PARVB: variants seen among roughly 807,000 people sequenced by gnomAD.
The protein encoded by PARVB is parvin beta.
Under a neutral mutation model 47.0 loss-of-function variants are expected in PARVB, and 46 were observed. The ratio of observed to expected loss-of-function variants is 0.98; its 90% confidence interval spans 0.77 to 1.25. PARVB has a LOEUF of 1.25. Ranked by LOEUF, PARVB falls within the 50% of genes most tolerant of loss-of-function variation. The probability of loss-of-function intolerance (pLI) is 0.00; values close to 1 mark genes in which losing one functional copy is unlikely to be tolerated. For missense variants in PARVB, 473 were observed against 471.6 expected (o/e 1.00, Z -0.03); for synonymous variants, 196 against 196.3 (o/e 1.00, Z 0.01).
intron 3 of PARVB, 135 bp from the exon 4 acceptor site, chr22:44,118,903 C>T: frequency 1.5e-6 from 1 of 680,082 alleles, no homozygotes; most frequent in Non-Finnish European, 2.7e-6. Flanking sequence ...GCTGTGCAGC[C>T]TCTGTCCCTG....
chr22:44,056,245 A>T (rs981035569), intron 1 of PARVB, among the ~76,000 whole-genome samples: 1 of 152,152 alleles, frequency 6.6e-6, no homozygotes, highest in Non-Finnish European at 1.5e-5. Context: ...GCCGTGTGGG[A>T]TCCCACACCA....
chr22:44,044,191 G>GTTTT (rs776354860), intron 1 of PARVB, among the ~76,000 whole-genome samples: 1 of 134,994 alleles, frequency 7.4e-6, no homozygotes, highest in Non-Finnish European at 1.6e-5. Context: ...ATTTTTTGTG[G>GTTTT]TTTTTTTTTT....
intron 1 of PARVB, among the ~76,000 whole-genome samples, chr22:44,042,718 G>A (rs941938510): frequency 6.6e-6 from 1 of 152,222 alleles, no homozygotes; most frequent in African/African-American, 2.4e-5. Context: ...AACTGTGTGT[G>A]CAGCTGGGCA....
chr22:44,102,338 A>T (rs948087907), intron 3 of PARVB, among the ~76,000 whole-genome samples: 1 of 152,204 alleles, frequency 6.6e-6, no homozygotes, highest in Non-Finnish European at 1.5e-5. Context: ...ACACACCCAG[A>T]AACAATGTTT....
At chr22:44,162,386 A>G (rs2054072411) in intron 11 of PARVB, among the ~76,000 whole-genome samples, 1 of 151,186 alleles carries the variant, frequency 6.6e-6, no homozygotes, top group Non-Finnish European at 1.5e-5. Flanking sequence ...CAGTGGCACA[A>G]TCTCAGCTCA....
At chr22:44,025,215 A>G (rs1296472479) in intron 1 of PARVB, among the ~76,000 whole-genome samples, 2 of 151,804 alleles carry the variant, frequency 1.3e-5, no homozygotes, top group African/African-American at 4.8e-5. Flanking sequence ...GCAGATGGAG[A>G]AAGGCCGGCC....
At position 44,024,391 on chromosome 22, in the gene PARVB, G is replaced by A; in HGVS notation, c.52G>A (p.Asp18Asn). 7.9e-7 allele frequency: 1 copy of A among 1,258,362 alleles called. No individual in the cohort carries two copies. The highest frequency in any genetic ancestry group is 1.0e-6 in the Non-Finnish European group (1 of 986,204). 77.9% of individuals were successfully genotyped at this position (1,258,362 alleles called of 1,614,324 possible). Reference protein sequence around the residue: ...PTPRPRRMKKDESFLGKLGGT... With the variant: ...PTPRPRRMKKNESFLGKLGGT... ...CCCGCGGCCCCGCAGGATGAAGAAG[G>A]ACGAGTCGTTCCTGGGCAAGCTGGG... Residue 18 changes from aspartate to asparagine, a missense_variant, in exon 1 of 13, where the codon GAC becomes AAC. Transcript: ENST00000338758.
At chr22:44,127,026 A>G (rs1026443036) in intron 4 of PARVB, among the ~76,000 whole-genome samples, 4 of 152,188 alleles carry the variant, frequency 2.6e-5, no homozygotes, top group African/African-American at 7.2e-5. Context: ...CTCTTCAGTT[A>G]GTGCTAGCAA....
intron 2 of PARVB, among the ~76,000 whole-genome samples, chr22:44,013,591 T>A (rs2050546718): frequency 6.6e-6 from 1 of 152,228 alleles, no homozygotes; most frequent in South Asian, 2.1e-4. Flanking sequence ...TTTGCATCTG[T>A]CTGGCCTCTT....
chr22:44,120,852 TTC>T (rs936861831), intron 4 of PARVB, among the ~76,000 whole-genome samples: 3 of 151,774 alleles, frequency 2.0e-5, no homozygotes, highest in Admixed American at 6.6e-5. Flanking sequence ...TTTTTTTTTT[TTC>T]TTTTTTTGAA....
At chr22:44,147,408 G>A in intron 8 of PARVB, 1 of 336,070 alleles carries the variant, frequency 3.0e-6, no homozygotes, top group East Asian at 7.5e-5. Flanking sequence ...GGCTGCAGCT[G>A]CTCCCAGGCG....
chr22:44,002,970 C>G (rs1243126665), intron 2 of PARVB, among the ~76,000 whole-genome samples: 2 of 152,144 alleles, frequency 1.3e-5, no homozygotes, highest in Non-Finnish European at 2.9e-5. Flanking sequence ...AAAGGAGATT[C>G]AGCATTATCT....
chr22:44,112,873 A>T (rs1184586199), intron 3 of PARVB: 1 of 103,236 alleles, frequency 9.7e-6, no homozygotes, highest in Non-Finnish European at 1.9e-5. Context: ...ACCAACACAG[A>T]TACGTTGTTA....
At chr22:44,126,223 G>A (rs373928620) in intron 4 of PARVB, among the ~76,000 whole-genome samples, 20 of 152,308 alleles carry the variant, frequency 1.3e-4, no homozygotes, top group East Asian at 5.8e-4. Context: ...GCTGAATGCC[G>A]AATGCCCAAG....
chr22:44,019,791 C>T (rs980253802), upstream of PARVB, among the ~76,000 whole-genome samples: 2 of 152,206 alleles, frequency 1.3e-5, no homozygotes, highest in African/African-American at 4.8e-5. Flanking sequence ...CCAGGACCCA[C>T]ACACCCCCCA....
intron 2 of PARVB, among the ~76,000 whole-genome samples, chr22:44,012,465 C>G (rs890712404): frequency 5.3e-5 from 8 of 152,180 alleles, no homozygotes; most frequent in African/African-American, 1.9e-4. Flanking sequence ...TTAGTATTTA[C>G]TGTGAACATC....
chr22:44,016,099 C>CTTTCTT (rs1555891722), intron 2 of PARVB, among the ~76,000 whole-genome samples: 3 of 129,182 alleles, frequency 2.3e-5, no homozygotes, highest in South Asian at 2.4e-4. Flanking sequence ...TTCTTTCTTT[C>CTTTCTT]TTTTTTTTTT....
chr22:44,025,513 C>T (rs990341120), intron 1 of PARVB, among the ~76,000 whole-genome samples: 1 of 152,136 alleles, frequency 6.6e-6, no homozygotes, highest in Admixed American at 6.5e-5. Context: ...GTTCCCCAGA[C>T]ATTTTCTCCC....
intron 3 of PARVB, chr22:44,102,886 C>T (rs1172944810): frequency 6.6e-6 from 1 of 152,384 alleles, no homozygotes; most frequent in Non-Finnish European, 1.5e-5. Context: ...TCCCCACCCC[C>T]AGGTGCTGGG....
Sources: allele counts gnomAD v4.1 joint callset (sites outside exome capture counted in the v4.1 genomes callset), GRCh38; gene constraint gnomAD v4.1.1; transcripts MANE v1.5; gene names NCBI Gene and HGNC (gene_info 2026-07-23, HGNC 2026-07-21).